ADGRE2: variants seen among roughly 807,000 people sequenced by gnomAD.
The protein encoded by ADGRE2 is CD97 antigen.
In ADGRE2, 83 loss-of-function variants were observed where a neutral mutation model predicts 100.8. That is an observed-to-expected ratio of 0.82 (90% CI 0.69 to 0.99). The LOEUF is 0.99. Ranked by LOEUF, ADGRE2 falls within the 50% of genes least tolerant of loss-of-function variation. ADGRE2 has a pLI of 0.00. For synonymous variants in ADGRE2, 355 were observed against 413.0 expected, an observed-to-expected ratio of 0.86 and a Z score of 1.70; for missense variants, 814 against 1,035.7, an observed-to-expected ratio of 0.79 and a Z score of 2.94.
At chr19:14,738,626 C>G (rs2042829810) in intron 20 of ADGRE2, among the ~76,000 whole-genome samples, 1 of 152,118 alleles carries the variant, frequency 6.6e-6, no homozygotes, top group Non-Finnish European at 1.5e-5. Context: ...GATCTGCCTG[C>G]CTCGGCCTCC....
At position 14,752,439 on chromosome 19, in the gene ADGRE2, G is replaced by A; in HGVS notation, c.1678C>T (p.Leu560=). 1 of 1,614,164 alleles carries A rather than the reference G, an allele frequency of 6.2e-7. No individual in the cohort carries two copies. The highest frequency in any genetic ancestry group is 8.5e-7 in the Non-Finnish European group (1 of 1,180,022). ...CLLLAALTFL[L]CKAIQNTSTS... ...CTGGTGTTCTGGATGGCTTTACACA[G>A]GAGAAAAGTGAGGGCCGCCAGGAGG... The change falls in exon 15 of 21, where the codon CTG becomes TTG. Residue 560 remains leucine (L), a synonymous_variant. Coordinates refer to ENST00000315576, the MANE Select transcript of ADGRE2 (RefSeq NM_013447.4).
intron 13 of ADGRE2, among the ~76,000 whole-genome samples, 180 bp downstream of exon 13, chr19:14,755,474 G>A (rs2043465885): frequency 1.3e-5 from 2 of 152,024 alleles, no homozygotes; most frequent in Non-Finnish European, 2.9e-5. Flanking sequence ...GAACACAGGT[G>A]TGAGCTGGTG....
intron 11 of ADGRE2, among the ~76,000 whole-genome samples, chr19:14,762,471 C>T (rs1284288823): frequency 3.3e-5 from 5 of 151,830 alleles, no homozygotes; most frequent in Admixed American, 6.6e-5. Context: ...TAGCGGCTGC[C>T]ATGGGTTGGA....
intron 20 of ADGRE2, among the ~76,000 whole-genome samples, chr19:14,736,522 A>C (rs1184055291): frequency 6.6e-6 from 1 of 151,734 alleles, no homozygotes; most frequent in Admixed American, 6.6e-5. Context: ...CAGCCTCCCA[A>C]AGTGCTGGGA....
At position 14,774,056 on chromosome 19, in the gene ADGRE2, T is replaced by C. The variant is rs2044324497; in HGVS notation, c.83-2A>G. ...CCTGAGGGCACCACCGGGCACAGCC[T>C]GCAAGAGCAGGGAGCACGGTCAGAA... On this transcript the variant is annotated splice_acceptor_variant, in intron 3 of 20. Transcript: ENST00000315576. LOFTEE classifies it high-confidence loss of function. 1 of 1,613,122 alleles carries C rather than the reference T, an allele frequency of 6.2e-7. No homozygotes were observed. The highest frequency in any genetic ancestry group is 1.3e-5 in the African/African-American group (1 of 74,654).
chr19:14,763,800 T>C (rs1001992132), intron 11 of ADGRE2, among the ~76,000 whole-genome samples: 2 of 608 alleles, frequency 3.3e-3, no homozygotes, highest in Non-Finnish European at 5.6e-3. Context: ...TCCTCCTCTC[T>C]TTCTCCATTC....
At position 14,761,330 on chromosome 19, in the gene ADGRE2, C is replaced by T. The variant is rs139440524; in HGVS notation, c.1084+3103G>A. On this transcript the variant is annotated intron_variant, in intron 11 of 20. Coordinates refer to ENST00000315576, the MANE Select transcript of ADGRE2 (RefSeq NM_013447.4). ...CTGAGGCAGGAGAATCGCTTGAACCCGGGAGGTGGAGTCTACAGTGAGCCA... is the reference window on the plus strand; with the variant it reads ...CTGAGGCAGGAGAATCGCTTGAACCTGGGAGGTGGAGTCTACAGTGAGCCA... 2.5e-3 allele frequency among the ~76,000 whole-genome samples: 382 copies of T among 152,148 alleles called. 2 individuals are homozygous for T. The highest frequency in any genetic ancestry group is 8.7e-3 in the African/African-American group (360 of 41,498).
chr19:14,772,146 C>T, intron 5 of ADGRE2, 196 bp downstream of exon 5: 1 of 699,782 alleles, frequency 1.4e-6, no homozygotes, highest in South Asian at 1.9e-5. Flanking sequence ...GGTAGCTGGT[C>T]CCAGAGTTTT....
chr19:14,741,096 T>G (rs865841567), intron 20 of ADGRE2, among the ~76,000 whole-genome samples: 326 of 105,702 alleles, frequency 3.1e-3, no homozygotes, highest in Middle Eastern at 9.9e-3. Flanking sequence ...AGGCTGTTTT[T>G]TTTTTTTTTT....
chr19:14,741,801 G>C (rs920904283), intron 20 of ADGRE2: 1 of 369,172 alleles, frequency 2.7e-6, no homozygotes, highest in East Asian at 3.9e-5. Flanking sequence ...CTGTACATTT[G>C]ACACAAATCC....
At chr19:14,749,337 A>G (rs1269711190) in intron 16 of ADGRE2, among the ~76,000 whole-genome samples, 2 of 53,694 alleles carry the variant, frequency 3.7e-5, no homozygotes, top group Admixed American at 1.7e-4. Context: ...ATATAATTAT[A>G]ATGATATGAT....
Position 14,734,789 on chromosome 19 carries a change from A to G in ADGRE2, c.*1447T>C, listed in dbSNP as rs1390411634. ...AGAACAGCTCTTTCTCTTGCATGGG[A>G]GAGGGGCGTCTGAATGGGAAATCTG... On this transcript the variant is annotated 3_prime_UTR_variant, in exon 21 of 21. Coordinates refer to ENST00000315576, the MANE Select transcript of ADGRE2 (RefSeq NM_013447.4). 6.6e-6 allele frequency: 1 copy of G among 152,140 alleles called. No individual in the cohort carries two copies. The highest frequency in any genetic ancestry group is 1.5e-5 in the Non-Finnish European group (1 of 68,038). The allele number at this position is 152,140 out of a possible 1,614,324, so 9.4% of individuals were successfully genotyped here.
chr19:14,764,743 GC>G lies in ADGRE2; in HGVS notation c.907-134del, dbSNP rs558601020. 745 of 973,206 alleles carry G rather than the reference GC, an allele frequency of 7.7e-4. 4 individuals carry two copies. The highest frequency in any genetic ancestry group is 5.0e-3 in the African/African-American group (306 of 61,126). The allele number at this position is 973,206 out of a possible 1,614,324, so 60.3% of individuals were successfully genotyped here. A position where few individuals can be genotyped will look rare whatever the true frequency, so the allele number is the denominator to read the frequency against. On this transcript the variant is annotated intron_variant, in intron 10 of 20. Transcript: ENST00000315576. Reference sequence around the variant, plus strand: ...GGATGAAGATGGCATTGGCGGCTGGGCGCGGTGGCTCACGCCTCTAATTCCA... The same window carrying G: ...GGATGAAGATGGCATTGGCGGCTGGGGCGGTGGCTCACGCCTCTAATTCCA...
chr19:14,746,806 G>C (rs935000115), intron 17 of ADGRE2, 90 bp downstream of exon 17: 2 of 1,276,636 alleles, frequency 1.6e-6, no homozygotes, highest in East Asian at 2.5e-5. Flanking sequence ...CAACCCAGGG[G>C]ACATTCCTGC....
chr19:14,748,116 C>T (rs1224249077), intron 16 of ADGRE2, among the ~76,000 whole-genome samples: 2 of 151,886 alleles, frequency 1.3e-5, no homozygotes, highest in African/African-American at 4.8e-5. Context: ...GTTTATTTAT[C>T]CTCGCCCTCC....
At chr19:14,731,260 G>A, downstream of ADGRE2, 1 of 1,402,736 alleles carries the variant, frequency 7.1e-7, no homozygotes, top group South Asian at 1.2e-5. Context: ...GATATCAAAG[G>A]ATCACTACTG....
At chr19:14,755,240 C>T in intron 13 of ADGRE2, 113 bp from the exon 14 acceptor site, 1 of 1,001,802 alleles carries the variant, frequency 1.0e-6, no homozygotes, top group Non-Finnish European at 1.5e-6. Flanking sequence ...TTGAGACCAG[C>T]CTGGCCAACA....
chr19:14,752,698 T>TC (rs2043338625), intron 14 of ADGRE2, among the ~76,000 whole-genome samples, 172 bp from the exon 15 acceptor site: 1 of 152,156 alleles, frequency 6.6e-6, no homozygotes, highest in Non-Finnish European at 1.5e-5. Flanking sequence ...CACCCGAGCC[T>TC]CATGGGTGGC....
At position 14,744,734 on chromosome 19, in the gene ADGRE2, C is replaced by T. The variant is rs2043034946; in HGVS notation, c.2184-950G>A. 2.6e-5 allele frequency among the ~76,000 whole-genome samples: 4 copies of T among 152,160 alleles called. No homozygotes were observed. In the South Asian group the frequency reaches 6.2e-4, roughly 24 times the overall value. ...CCTCCCAAAGTGTTAGGATTACAGG[C>T]GTGAGCCACCATGCCTGGCCCCCGT... On this transcript the variant is annotated intron_variant, in intron 18 of 20. Coordinates refer to ENST00000315576, the MANE Select transcript of ADGRE2 (RefSeq NM_013447.4).
Sources: allele counts gnomAD v4.1 joint callset (sites outside exome capture counted in the v4.1 genomes callset), GRCh38; gene constraint gnomAD v4.1.1; transcripts MANE v1.5; gene names NCBI Gene and HGNC (gene_info 2026-07-23, HGNC 2026-07-21).